The following RCVRN variants were observed in gnomAD, a reference collection of about 807,000 sequenced individuals.
RCVRN encodes the protein recoverin.
In RCVRN, 23 loss-of-function variants were observed where a neutral mutation model predicts 20.4. The ratio of observed to expected loss-of-function variants is 1.13; its 90% confidence interval spans 0.81 to 1.60. The LOEUF is 1.60. Among genes scored for constraint, RCVRN ranks in the 40% most tolerant of loss-of-function variants. The pLI is 0.00. For synonymous variants in RCVRN, 105 were observed against 105.9 expected (o/e 0.99, Z 0.05); for missense variants, 254 against 254.2 (o/e 1.00, Z 0.00).
In RCVRN at chr17:9,897,432, T is replaced by TTTAAAC; in HGVS notation, c.*662_*663insGTTTAA. 1 of 151,590 alleles carries TTTAAAC rather than the reference T, an allele frequency of 6.6e-6. No individual in the cohort carries two copies. Among genetic ancestry groups the TTTAAAC allele is most frequent in the Non-Finnish European group, 1.5e-5 (1 of 67,820 alleles). The allele number at this position is 151,590 out of a possible 1,614,324, so 9.4% of individuals were successfully genotyped here. On this transcript the variant is annotated 3_prime_UTR_variant, in exon 3 of 3. Coordinates refer to ENST00000226193, the MANE Select transcript of RCVRN (RefSeq NM_002903.3). ...AATTTAAATCTCCCTTCGTCAGGGATGTGGTCCCTGATCCCCCCTGACAAG... is the reference window on the plus strand; with the variant it reads ...AATTTAAATCTCCCTTCGTCAGGGATTTAAACGTGGTCCCTGATCCCCCCTGACAAG...
intron 2 of RCVRN, 93 bp from the exon 3 acceptor site, chr17:9,898,297 C>T (rs2152054001): frequency 1.3e-6 from 1 of 778,136 alleles, no homozygotes; most frequent in East Asian, 2.5e-5. Context: ...CCAGTATCCC[C>T]AGTGTGAATG....
chr17:9,898,943 G>C (rs2067330369), intron 2 of RCVRN, among the ~76,000 whole-genome samples: 1 of 152,186 alleles, frequency 6.6e-6, no homozygotes, highest in Non-Finnish European at 1.5e-5. Flanking sequence ...GTGGCTAACT[G>C]TATTCAGATC....
chr17:9,898,020 G>GCA lies in RCVRN; in HGVS notation c.*74_*75insTG. On this transcript the variant is annotated 3_prime_UTR_variant, in exon 3 of 3. Transcript: ENST00000226193. ...TGTGTGCGCGCGCGTGTGTGTGCAT[G>GCA]TGTGTGTGTGTGCACAGGCGCTCAC... The GCA allele has an allele frequency of 1.2e-6, 1 of 806,796 alleles. No individual in the cohort carries two copies. The highest frequency in any genetic ancestry group is 2.1e-6 in the Non-Finnish European group (1 of 469,472). The allele number at this position is 806,796 out of a possible 1,614,324, so 50.0% of individuals were successfully genotyped here. A position where few individuals can be genotyped will look rare whatever the true frequency, so the allele number is the denominator to read the frequency against.
intron 1 of RCVRN, among the ~76,000 whole-genome samples, chr17:9,902,185 C>A (rs913644569): frequency 6.6e-6 from 1 of 151,792 alleles, no homozygotes; most frequent in Non-Finnish European, 1.5e-5. Context: ...TAGGCTTCTG[C>A]TGGGCCCTGC....
Position 9,897,983 on chromosome 17 carries a change from T to G in RCVRN, c.*112A>C. 3 of 390,346 alleles carry G rather than the reference T, an allele frequency of 7.7e-6. No individual in the cohort carries two copies. Among genetic ancestry groups the G allele is most frequent in the Non-Finnish European group, 9.2e-6 (2 of 216,902 alleles). The allele number at this position is 390,346 out of a possible 1,614,324, so 24.2% of individuals were successfully genotyped here. ...GCCTTTCTCTTGGCCCTGGGGTGGA[T>G]GTGTGTGTGTGTGTGTGCGCGCGCG... On this transcript the variant is annotated 3_prime_UTR_variant, in exon 3 of 3. Transcript: ENST00000226193.
rs1336052357 is a variant in RCVRN, at chr17:9,904,113, C to T, written c.381+687G>A. Among the ~76,000 whole-genome samples, 22 of 152,000 alleles carry T rather than the reference C, an allele frequency of 1.4e-4. No homozygotes were observed. Among genetic ancestry groups the T allele is most frequent in the Admixed American group, 1.4e-3 (22 of 15,260 alleles). On this transcript the variant is annotated intron_variant, in intron 1 of 2. Transcript: ENST00000226193. The surrounding 1 kb of genome is among the most constrained non-coding windows in gnomAD (Gnocchi z 5.8). ...AAAATTAGCTAGGCATAGTGGTGCACACCTGTAATCCCAGCTACTCGGGAG... is the reference window on the plus strand; with the variant it reads ...AAAATTAGCTAGGCATAGTGGTGCATACCTGTAATCCCAGCTACTCGGGAG...
rs1302368952 is a variant in RCVRN at position 9,898,032 on chromosome 17, G to A, written c.*63C>T. ...CGTGTGTGTGCATGTGTGTGTGTGTGCACAGGCGCTCACGGGTGTCATGTG... is the reference window on the plus strand; with the variant it reads ...CGTGTGTGTGCATGTGTGTGTGTGTACACAGGCGCTCACGGGTGTCATGTG... On this transcript the variant is annotated 3_prime_UTR_variant, in exon 3 of 3. Transcript: ENST00000226193. 6 of 1,010,620 alleles carry A rather than the reference G, an allele frequency of 5.9e-6. No homozygotes were observed. Among genetic ancestry groups the A allele is most frequent in the African/African-American group, 4.7e-5 (3 of 63,496 alleles). The allele number at this position is 1,010,620 out of a possible 1,614,324, so 62.6% of individuals were successfully genotyped here.
chr17:9,902,435 C>A (rs11650822), intron 1 of RCVRN, among the ~76,000 whole-genome samples: 26,329 of 152,016 alleles, frequency 0.17, 2,956 homozygotes, highest in Non-Finnish European at 0.25. Context: ...GTGCATTTGT[C>A]ATCATGCAAA....
At chr17:9,903,672 T>C (rs2067350721) in intron 1 of RCVRN, among the ~76,000 whole-genome samples, 1 of 152,208 alleles carries the variant, frequency 6.6e-6, no homozygotes, top group Admixed American at 6.5e-5. Context: ...AATGTAAATA[T>C]AGTCACGTGT....
Position 9,904,898 on chromosome 17 carries a change from C to T in RCVRN, c.283G>A (p.Ala95Thr), listed in dbSNP as rs117017774. The change falls in exon 1 of 3, where the codon GCG (alanine) becomes ACG (threonine). Residue 95 changes from alanine (A) to threonine (T), a missense_variant. Physicochemically the swap from Ala to Thr is moderately conservative, Grantham distance 58 (BLOSUM62 0). Coordinates refer to ENST00000226193, the MANE Select transcript of RCVRN (RefSeq NM_002903.3). This position sits in a 1 kb window ranked among gnomAD's most constrained non-coding sequence, Gnocchi z 5.8. ...EYVIALHMTT[A>T]GKTNQKLEWA... is the part of the protein sequence containing the mutation. ...TCCAGCTTCTGGTTGGTCTTGCCCGCGGTGGTCATGTGCAGGGCGATGACG... is the reference window on the plus strand; with the variant it reads ...TCCAGCTTCTGGTTGGTCTTGCCCGTGGTGGTCATGTGCAGGGCGATGACG... The T allele has an allele frequency of 8.7e-5, 141 of 1,614,178 alleles. No individual in the cohort carries two copies. In the East Asian group the frequency reaches 2.3e-3, roughly 26 times the overall value.
intron 2 of RCVRN, 72 bp from the exon 3 acceptor site, chr17:9,898,276 C>G: frequency 2.2e-6 from 2 of 898,366 alleles, no homozygotes; most frequent in Non-Finnish European, 3.8e-6. Flanking sequence ...TGCGATGAGG[C>G]TGACATCTAG....
At chr17:9,901,989 TCTCC>T (rs1308872844) in intron 1 of RCVRN, among the ~76,000 whole-genome samples, 1 of 150,254 alleles carries the variant, frequency 6.7e-6, no homozygotes, top group Admixed American at 6.7e-5. Context: ...ATTGATGGAG[TCTCC>T]CTCCCTCCCT....
At chr17:9,903,459 G>A (rs1473093365) in intron 1 of RCVRN, among the ~76,000 whole-genome samples, 2 of 152,196 alleles carry the variant, frequency 1.3e-5, no homozygotes, top group Non-Finnish European at 2.9e-5. Flanking sequence ...CATGCGTGGT[G>A]CCATGATCCG....
rs765774925 is a variant in RCVRN at position 9,905,055 on chromosome 17, G to C, written c.126C>G (p.Gly42=). ...YQSFLKDCPT[G]RITQQQFQSI... Reference sequence around the variant, plus strand: ...TCTGGAACTGCTGCTGGGTGATGCGGCCGGTGGGACAGTCCTTCAGGAAGG... The same window carrying C: ...TCTGGAACTGCTGCTGGGTGATGCGCCCGGTGGGACAGTCCTTCAGGAAGG... The change falls in exon 1 of 3, where the codon GGC becomes GGG. Residue 42 remains glycine, a synonymous_variant. Transcript: ENST00000226193. 1 of 1,612,894 alleles carries C rather than the reference G, an allele frequency of 6.2e-7. No individual in the cohort carries two copies. The highest frequency in any genetic ancestry group is 1.1e-5 in the South Asian group (1 of 90,896).
rs757036709 is a variant in RCVRN at position 9,904,769 on chromosome 17, G to A, written c.381+31C>T. 2 of 1,595,164 alleles carry A rather than the reference G, an allele frequency of 1.3e-6. No homozygotes were observed. The highest frequency in any genetic ancestry group is 2.2e-5 in the East Asian group (1 of 44,606). On this transcript the variant is annotated intron_variant, in intron 1 of 2. Transcript: ENST00000226193. This position sits in a 1 kb window ranked among gnomAD's most constrained non-coding sequence, Gnocchi z 5.8. ...CCCAGCCCGGAGCGACCCCGGCACCGCCCAGCCAGAAGGGGAGAGGGGAGA... is the reference window on the plus strand; with the variant it reads ...CCCAGCCCGGAGCGACCCCGGCACCACCCAGCCAGAAGGGGAGAGGGGAGA...
rs1316038985 is a variant in RCVRN, at chr17:9,898,172, T to A, written c.526A>T (p.Thr176Ser). ...CGCAGAATTTCCTTATTGGCCAGTG[T>A]CCCCTCAATGAATTCTTTCTCTGTA... ...KLTEKEFIEG[T>S]LANKEILRLI... The change falls in exon 3 of 3, where the codon ACA (threonine) becomes TCA (serine). Residue 176 changes from threonine to serine, a missense_variant. Physicochemically the swap from Thr to Ser is moderately conservative, Grantham distance 58. Transcript: ENST00000226193. 2.5e-6 allele frequency: 4 copies of A among 1,613,378 alleles called. No homozygotes were observed. The highest frequency in any genetic ancestry group is 1.6e-4 in the Middle Eastern group (1 of 6,082).
chr17:9,898,229 C>A, intron 2 of RCVRN, 25 bp from the exon 3 acceptor site: 1 of 1,434,416 alleles, frequency 7.0e-7, no homozygotes, highest in Non-Finnish European at 9.8e-7. Context: ...AAAATATATA[C>A]GTACATAAAA....
Position 9,904,991 on chromosome 17 carries a change from C to G in RCVRN, c.190G>C (p.Ala64Pro). ...AKFFPDTDPK[A>P]YAQHVFRSFD... is the part of the protein sequence containing the mutation. ...CTGCGGAACACATGCTGGGCGTAGG[C>G]CTTGGGGTCGGTGTCGGGGAAGAAC... Residue 64 changes from alanine to proline, a missense_variant, in exon 1 of 3, where the codon GCC becomes CCC. Physicochemically the swap from Ala to Pro is conservative, Grantham distance 27. Coordinates refer to ENST00000226193, the MANE Select transcript of RCVRN (RefSeq NM_002903.3). The surrounding 1 kb of genome is among the most constrained non-coding windows in gnomAD (Gnocchi z 5.8). 6.2e-7 allele frequency: 1 copy of G among 1,614,156 alleles called. No individual in the cohort carries two copies.
In RCVRN at chr17:9,904,347, G is replaced by T. The variant is rs928852940; in HGVS notation, c.381+453C>A. 6.6e-6 allele frequency among the ~76,000 whole-genome samples: 1 copy of T among 152,218 alleles called. No homozygotes were observed. Among genetic ancestry groups the T allele is most frequent in the Non-Finnish European group, 1.5e-5 (1 of 68,036 alleles). On this transcript the variant is annotated intron_variant, in intron 1 of 2. Transcript: ENST00000226193. The surrounding 1 kb of genome is among the most constrained non-coding windows in gnomAD (Gnocchi z 5.8). ...TGGGAGTTGCTCTGGGTGAGTCAGT[G>T]AGTGAGTAGTGAGTGAATGTGAAGA...
Sources: allele counts gnomAD v4.1 joint callset (sites outside exome capture counted in the v4.1 genomes callset), GRCh38; gene constraint gnomAD v4.1.1; non-coding constraint Gnocchi (gnomAD v3.1); transcripts MANE v1.5; gene names NCBI Gene and HGNC (gene_info 2026-07-23, HGNC 2026-07-21).